Variants in RELL1 observed in about 807,000 individuals in gnomAD.
RELL1 encodes RELT-like protein 1.
A neutral mutation model predicts 23.0 loss-of-function variants in RELL1; 10 were observed. The observed-to-expected ratio is 0.43, with a 90% CI of 0.27 to 0.74. RELL1 has a LOEUF of 0.74. RELL1 is among the 30% of genes least tolerant of loss of function. The pLI is 0.19. For missense variants in RELL1, 315 were observed against 364.4 expected (o/e 0.86, Z 1.10); for synonymous variants, 146 against 146.8 (o/e 0.99, Z 0.04).
downstream of RELL1, among the ~76,000 whole-genome samples, chr4:37,608,053 T>A (rs1306609690): frequency 6.6e-6 from 1 of 152,224 alleles, no homozygotes; most frequent in African/African-American, 2.4e-5. Context: ...TGGGATGACA[T>A]GAACTGTGCC....
intron 1 of RELL1, among the ~76,000 whole-genome samples, chr4:37,685,665 C>T (rs1434206743): frequency 6.6e-6 from 1 of 152,228 alleles, no homozygotes; most frequent in East Asian, 1.9e-4. Context: ...GAAATGTGGA[C>T]TCCTTGACCT....
chr4:37,596,731 TATATA>T (rs199908942), intron 6 of RELL1, among the ~76,000 whole-genome samples: 344 of 23,938 alleles, frequency 0.014, 8 homozygotes, highest in Non-Finnish European at 0.022. Context: ...TATATATATA[TATATA>T]TTTTTTTTTT....
In RELL1 at chr4:37,631,341, C is replaced by T. The variant is rs116493491; in HGVS notation, c.*3+44G>A. 1,487 of 1,580,508 alleles carry T rather than the reference C, an allele frequency of 9.4e-4. 20 individuals are homozygous for T. In the African/African-American group the frequency reaches 0.018, roughly 19 times the overall value. ...GGAGGCTCCAAGTACCTTCTCCTCA[C>T]CCTGCACCACTCTGCCCCCAATGTC... On this transcript the variant is annotated intron_variant, in intron 6 of 6. Coordinates refer to ENST00000454158, the MANE Select transcript of RELL1 (RefSeq NM_001085400.2).
At chr4:37,605,809 A>G (rs574205905), downstream of RELL1, among the ~76,000 whole-genome samples, 869 of 117,120 alleles carry the variant, frequency 7.4e-3, 21 homozygotes, top group African/African-American at 0.021. Flanking sequence ...GAAAGAAAGA[A>G]AGAAAGAAAG....
intron 6 of RELL1, among the ~76,000 whole-genome samples, chr4:37,630,158 G>A (rs1338391049): frequency 1.3e-5 from 2 of 150,746 alleles, no homozygotes; most frequent in Admixed American, 6.6e-5. Flanking sequence ...AAACTCTTCT[G>A]CCTTCATGTT....
At chr4:37,669,005 TGG>T (rs1331662561) in intron 1 of RELL1, among the ~76,000 whole-genome samples, 5 of 117,548 alleles carry the variant, frequency 4.3e-5, no homozygotes, top group East Asian at 2.3e-4. Context: ...AGGAGAGAGG[TGG>T]GGGGGTCAGC....
At chr4:37,650,585 T>C (rs1269334751) in intron 1 of RELL1, among the ~76,000 whole-genome samples, 1 of 152,154 alleles carries the variant, frequency 6.6e-6, no homozygotes, top group Non-Finnish European at 1.5e-5. Context: ...GGGGATCTAC[T>C]TTATGACTTC....
At chr4:37,684,126 A>G (rs1452337283) in intron 1 of RELL1, among the ~76,000 whole-genome samples, 1 of 152,168 alleles carries the variant, frequency 6.6e-6, no homozygotes, top group Non-Finnish European at 1.5e-5. Flanking sequence ...TACTCAACCC[A>G]AAGCCTGGCA....
At chr4:37,675,802 C>T (rs1328470401) in intron 1 of RELL1, among the ~76,000 whole-genome samples, 1 of 152,162 alleles carries the variant, frequency 6.6e-6, no homozygotes, top group Non-Finnish European at 1.5e-5. Flanking sequence ...CTCTTTCACT[C>T]CCCTGCTCAC....
intron 1 of RELL1, among the ~76,000 whole-genome samples, chr4:37,663,719 C>T (rs1321022221): frequency 2.6e-5 from 4 of 152,090 alleles, no homozygotes; most frequent in Non-Finnish European, 4.4e-5. Context: ...AATGGAATCC[C>T]GGGGCCCACA....
chr4:37,654,213 A>T (rs576531695), intron 1 of RELL1, among the ~76,000 whole-genome samples: 1 of 152,326 alleles, frequency 6.6e-6, no homozygotes, highest in South Asian at 2.1e-4. Context: ...TTAAATTCAA[A>T]TTTAAGCCAA....
chr4:37,600,700 C>T (rs996999514), intron 6 of RELL1, among the ~76,000 whole-genome samples: 1 of 151,482 alleles, frequency 6.6e-6, no homozygotes, highest in Non-Finnish European at 1.5e-5. Flanking sequence ...AAAACAGAAA[C>T]CATGGAAGAT....
At chr4:37,660,953 C>T (rs1209401421) in intron 1 of RELL1, among the ~76,000 whole-genome samples, 1 of 151,886 alleles carries the variant, frequency 6.6e-6, no homozygotes, top group African/African-American at 2.4e-5. Flanking sequence ...ACAGCGTGAA[C>T]CCGGGAGGCG....
chr4:37,685,782 C>T (rs1384301397), intron 1 of RELL1, among the ~76,000 whole-genome samples: 1 of 152,228 alleles, frequency 6.6e-6, no homozygotes, highest in Non-Finnish European at 1.5e-5. Flanking sequence ...GAAGGAGGCG[C>T]CGACAGCGCA....
chr4:37,668,655 G>A (rs893828356), intron 1 of RELL1, among the ~76,000 whole-genome samples: 1 of 151,996 alleles, frequency 6.6e-6, no homozygotes, highest in African/African-American at 2.4e-5. Flanking sequence ...GGGAAGTGAG[G>A]AGCGTCTCTG....
intron 1 of RELL1, among the ~76,000 whole-genome samples, chr4:37,684,161 C>T (rs549123901): frequency 8.7e-4 from 132 of 152,286 alleles, no homozygotes; most frequent in African/African-American, 3.0e-3. Context: ...AACAGTATTT[C>T]CCATTCCTTT....
intron 6 of RELL1, among the ~76,000 whole-genome samples, chr4:37,615,457 A>C (rs1719544195): frequency 6.6e-6 from 1 of 152,172 alleles, no homozygotes; most frequent in Non-Finnish European, 1.5e-5. Flanking sequence ...ACAATAATAA[A>C]AGTGTTACAA....
rs769768039 is a variant in RELL1, at chr4:37,613,088, G to A, written c.*258C>T. On this transcript the variant is annotated 3_prime_UTR_variant, in exon 7 of 7. Coordinates refer to ENST00000454158, the MANE Select transcript of RELL1 (RefSeq NM_001085400.2). Reference sequence around the variant, plus strand: ...TAGGGGCTGGGAAGAGTAGAGGCTGGGAGTGGTTAAGAAGATAAAAACAGC... The same window carrying A: ...TAGGGGCTGGGAAGAGTAGAGGCTGAGAGTGGTTAAGAAGATAAAAACAGC... 7.9e-5 allele frequency: 12 copies of A among 152,278 alleles called. No homozygotes were observed. Among genetic ancestry groups the A allele is most frequent in the Non-Finnish European group, 1.5e-4 (10 of 68,042 alleles). The allele number at this position is 152,278 out of a possible 1,614,324, so 9.4% of individuals were successfully genotyped here.
intron 6 of RELL1, among the ~76,000 whole-genome samples, chr4:37,626,944 T>TGCAGTA: frequency 6.6e-6 from 1 of 152,132 alleles, no homozygotes; most frequent in South Asian, 2.1e-4. Context: ...TTTCAAGAGA[T>TGCAGTA]CTATTGTACA....
Sources: gnomAD v4.1 joint callset for allele counts (sites outside exome capture counted in the v4.1 genomes callset) on GRCh38, gnomAD v4.1.1 for gene constraint, MANE v1.5 for transcripts, NCBI Gene and HGNC (gene_info 2026-07-23, HGNC 2026-07-21) for gene names.